Variants in NMNAT2 observed in about 807,000 individuals in gnomAD.
The protein encoded by NMNAT2 is nicotinamide nucleotide adenylyltransferase 2, also known as nicotinamide/nicotinic acid mononucleotide adenylyltransferase 2.
In NMNAT2, 11 loss-of-function variants were observed where a neutral mutation model predicts 41.6. That is an observed-to-expected ratio of 0.26 (90% CI 0.17 to 0.44). The LOEUF (loss-of-function observed/expected upper bound fraction) is 0.44. Among genes scored for constraint, NMNAT2 ranks in the 20% least tolerant of loss-of-function variants. The pLI is 1.00. For synonymous variants in NMNAT2, 148 were observed against 151.2 expected, an observed-to-expected ratio of 0.98 and a Z score of 0.16; for missense variants, 288 against 407.7, an observed-to-expected ratio of 0.71 and a Z score of 2.53.
Position 183,418,231 on chromosome 1 carries a change from C to A in NMNAT2, c.37G>T (p.Ala13Ser). Residue 13 changes from alanine (A) to serine (S), a missense_variant, in exon 1 of 11, where the codon GCC becomes TCC. By Grantham distance (99) the Ala-to-Ser change is moderately conservative (BLOSUM62 1). Coordinates refer to ENST00000287713, the MANE Select transcript of NMNAT2 (RefSeq NM_015039.4). The part of the protein sequence containing the change: ...ETTKTHVILL[A>S]CGSFNPITKG... ...GTGATGGGATTGAAGCTGCCGCAGG[C>A]GAGCAAGATAACGTGGGTCTTGGTG... 6.2e-7 allele frequency: 1 copy of A among 1,613,802 alleles called. No homozygotes were observed. Among genetic ancestry groups the A allele is most frequent in the South Asian group, 1.1e-5 (1 of 91,064 alleles).
At chr1:183,312,060 C>T (rs958237427) in intron 1 of NMNAT2, among the ~76,000 whole-genome samples, 3 of 152,130 alleles carry the variant, frequency 2.0e-5, no homozygotes, top group African/African-American at 7.2e-5. Context: ...TCCCCAGCCA[C>T]ATGGAACTGT....
chr1:183,295,381 C>T (rs902701148), intron 1 of NMNAT2, among the ~76,000 whole-genome samples: 1 of 152,108 alleles, frequency 6.6e-6, no homozygotes, highest in East Asian at 1.9e-4. Flanking sequence ...TTTAGATTTA[C>T]AGAATAATTG....
At chr1:183,263,107 C>T (rs75488316) in intron 8 of NMNAT2, among the ~76,000 whole-genome samples, 2,706 of 152,264 alleles carry the variant, frequency 0.018, 99 homozygotes, top group African/African-American at 0.061. Context: ...CCTGCTTCTC[C>T]TACTGCTTAC....
chr1:183,352,581 A>AAAAAAC (rs1571614966), intron 1 of NMNAT2, among the ~76,000 whole-genome samples: 1 of 148,334 alleles, frequency 6.7e-6, no homozygotes, highest in East Asian at 2.0e-4. Flanking sequence ...AAAAAAAAAA[A>AAAAAAC]AAAAAGAGAT....
At chr1:183,401,084 A>G (rs1204881184) in intron 1 of NMNAT2, among the ~76,000 whole-genome samples, 2 of 152,234 alleles carry the variant, frequency 1.3e-5, no homozygotes, top group Non-Finnish European at 2.9e-5. Context: ...TAAACTCAAG[A>G]GCTTCTGCAC....
At chr1:183,348,390 C>A (rs1571612940) in intron 1 of NMNAT2, among the ~76,000 whole-genome samples, 1 of 152,170 alleles carries the variant, frequency 6.6e-6, no homozygotes, top group Admixed American at 6.6e-5. Context: ...TTTCTATCTC[C>A]CTCACCATCA....
intron 1 of NMNAT2, among the ~76,000 whole-genome samples, chr1:183,367,185 G>A (rs1663431650): frequency 6.6e-6 from 1 of 152,230 alleles, no homozygotes; most frequent in Admixed American, 6.5e-5. Context: ...AGGGCCGGGA[G>A]TGGTGGCTCA....
intron 1 of NMNAT2, among the ~76,000 whole-genome samples, chr1:183,301,310 T>G (rs1661846368): frequency 6.6e-6 from 1 of 152,192 alleles, no homozygotes; most frequent in Non-Finnish European, 1.5e-5. Flanking sequence ...CCTGCCATGT[T>G]AGAATACCCA....
chr1:183,270,045 G>A (rs981238074), intron 8 of NMNAT2, among the ~76,000 whole-genome samples: 3 of 152,016 alleles, frequency 2.0e-5, no homozygotes, highest in African/African-American at 4.8e-5. Flanking sequence ...AACCACGCCC[G>A]GCTAATTTTT....
At chr1:183,303,055 A>AG (rs1459080300) in intron 1 of NMNAT2, among the ~76,000 whole-genome samples, 1 of 152,248 alleles carries the variant, frequency 6.6e-6, no homozygotes, top group Non-Finnish European at 1.5e-5. Context: ...TACTCATTCC[A>AG]GGGGGACAAA....
At chr1:183,313,122 G>A (rs78364611) in intron 1 of NMNAT2, among the ~76,000 whole-genome samples, 3,827 of 135,846 alleles carry the variant, frequency 0.028, 152 homozygotes, top group African/African-American at 0.095. Context: ...CAACACGCAC[G>A]CATCTATTCA....
chr1:183,266,839 C>A, intron 8 of NMNAT2: 2 of 164,078 alleles, frequency 1.2e-5, no homozygotes, highest in South Asian at 2.7e-4. Flanking sequence ...GTTCTATTGT[C>A]AAAAAAAATG....
intron 1 of NMNAT2, among the ~76,000 whole-genome samples, chr1:183,352,562 CAAAAAAAAAA>C (rs55706245): frequency 6.3e-5 from 5 of 79,162 alleles, no homozygotes; most frequent in Non-Finnish European, 9.7e-5. Context: ...CAGTCTGTCT[CAAAAAAAAAA>C]AAAAAAAAAA....
At chr1:183,374,474 G>A (rs953028938) in intron 1 of NMNAT2, among the ~76,000 whole-genome samples, 1 of 152,208 alleles carries the variant, frequency 6.6e-6, no homozygotes, top group African/African-American at 2.4e-5. Flanking sequence ...AAGGGGCTGT[G>A]ATTCACATCT....
intron 1 of NMNAT2, among the ~76,000 whole-genome samples, chr1:183,397,582 G>C (rs914117748): frequency 6.6e-6 from 1 of 151,976 alleles, no homozygotes; most frequent in African/African-American, 2.4e-5. Context: ...GACTCCTCGA[G>C]AAAACAACCC....
chr1:183,296,722 C>T (rs532892234), intron 1 of NMNAT2, among the ~76,000 whole-genome samples: 1 of 152,200 alleles, frequency 6.6e-6, no homozygotes, highest in Non-Finnish European at 1.5e-5. Context: ...CCATGTTAGC[C>T]AGGCTGGTCT....
At chr1:183,315,165 G>T (rs1232498735) in intron 1 of NMNAT2, among the ~76,000 whole-genome samples, 1 of 152,194 alleles carries the variant, frequency 6.6e-6, no homozygotes, top group Non-Finnish European at 1.5e-5. Flanking sequence ...AAAAAATAGA[G>T]GCAAATATTC....
intron 10 of NMNAT2, among the ~76,000 whole-genome samples, chr1:183,257,786 GT>G (rs1020612481): frequency 0.046 from 5,394 of 116,768 alleles, 308 homozygotes; most frequent in African/African-American, 0.15. Flanking sequence ...TGTCAATTTT[GT>G]TTTTTTTTTT....
At chr1:183,323,054 C>T (rs1055310810) in intron 1 of NMNAT2, among the ~76,000 whole-genome samples, 2 of 152,192 alleles carry the variant, frequency 1.3e-5, no homozygotes, top group Non-Finnish European at 2.9e-5. Context: ...GCCTCAGTCT[C>T]CTGAATAGCT....
Sources: allele counts gnomAD v4.1 joint callset (sites outside exome capture counted in the v4.1 genomes callset), GRCh38; gene constraint gnomAD v4.1.1; transcripts MANE v1.5; gene names NCBI Gene and HGNC (gene_info 2026-07-23, HGNC 2026-07-21).